Variants in TEX9 observed in about 807,000 individuals in gnomAD.
TEX9 encodes testis-expressed protein 9.
A neutral mutation model predicts 59.6 loss-of-function variants in TEX9; 74 were observed. That is an observed-to-expected ratio of 1.24 (90% CI 1.03 to 1.51). The LOEUF (loss-of-function observed/expected upper bound fraction) is 1.51, where lower values mean the gene tolerates loss of function less well. Ranked by LOEUF, TEX9 falls within the 40% of genes most tolerant of loss-of-function variation. TEX9 has a pLI of 0.00. For missense variants in TEX9, 522 were observed against 447.8 expected, an observed-to-expected ratio of 1.17 and a Z score of -1.49; for synonymous variants, 186 against 152.2, an observed-to-expected ratio of 1.22 and a Z score of -1.64.
chr15:56,334,216 A>T (rs2046215476), intron 1 of TEX9, among the ~76,000 whole-genome samples: 1 of 152,208 alleles, frequency 6.6e-6, no homozygotes, highest in Non-Finnish European at 1.5e-5. Context: ...ATCCCAAGCA[A>T]ATGAACAAAG....
intron 7 of TEX9, among the ~76,000 whole-genome samples, chr15:56,393,174 C>A (rs1242133415): frequency 3.9e-5 from 6 of 152,010 alleles, no homozygotes; most frequent in Non-Finnish European, 5.9e-5. Flanking sequence ...CCTATTTTTT[C>A]TTCCCTCTTT....
At chr15:56,339,439 C>CA (rs1271039226) in intron 1 of TEX9, among the ~76,000 whole-genome samples, 2 of 139,390 alleles carry the variant, frequency 1.4e-5, no homozygotes, top group Non-Finnish European at 3.0e-5. Flanking sequence ...AGCCCCTGGG[C>CA]AAAACCATTC....
At chr15:56,349,971 A>C (rs1360029113) in intron 1 of TEX9, among the ~76,000 whole-genome samples, 1 of 152,136 alleles carries the variant, frequency 6.6e-6, no homozygotes, top group African/African-American at 2.4e-5. Context: ...TTACCTTCTC[A>C]GAGAAGCCCT....
the TEX9 span, among the ~76,000 whole-genome samples, chr15:56,452,534 T>C: frequency 6.6e-6 from 1 of 151,522 alleles, no homozygotes; most frequent in African/African-American, 2.4e-5. Context: ...TTTTTTTTTT[T>C]TTGAGACAGA....
rs58002635 is a variant in TEX9 at position 56,302,361 on chromosome 15, A to ACACG, written c.-107+58084_-107+58085insACGC. 9.8e-4 allele frequency among the ~76,000 whole-genome samples: 146 copies of ACACG among 149,726 alleles called. 1 individual carries two copies. Among genetic ancestry groups the ACACG allele is most frequent in the South Asian group, 2.3e-3 (11 of 4,730 alleles). On this transcript the variant is annotated intron_variant, in intron 1 of 5. Transcript: ENST00000560827. ...CACACACACACACACACACACACAC[A>ACACG]CGAACATAAAATAGCTATGTGTGCT...
At chr15:56,269,497 T>C (rs1413461484) in intron 1 of TEX9, among the ~76,000 whole-genome samples, 1 of 152,200 alleles carries the variant, frequency 6.6e-6, no homozygotes, top group Non-Finnish European at 1.5e-5. Context: ...CTTAAATGTG[T>C]CCCAGAGATT....
intron 9 of TEX9, among the ~76,000 whole-genome samples, chr15:56,401,239 C>G (rs147154733): frequency 7.1e-6 from 1 of 140,608 alleles, no homozygotes; most frequent in Non-Finnish European, 1.5e-5. Context: ...GGAGACCCAT[C>G]TCATGTGCAG....
the TEX9 span, among the ~76,000 whole-genome samples, chr15:56,456,221 A>G: frequency 6.6e-6 from 1 of 152,162 alleles, no homozygotes; most frequent in Non-Finnish European, 1.5e-5. Flanking sequence ...CCATGAATAC[A>G]ACTTCTTTTC....
exon 12 of TEX9, chr15:56,428,415 A>C: frequency 6.2e-7 from 1 of 1,612,340 alleles, no homozygotes; most frequent in Non-Finnish European, 8.5e-7. Flanking sequence ...GGAGGAATTT[A>C]TGAAAGCACT....
intron 1 of TEX9, among the ~76,000 whole-genome samples, chr15:56,273,023 A>C (rs1373113815): frequency 6.6e-6 from 1 of 151,204 alleles, no homozygotes; most frequent in Non-Finnish European, 1.5e-5. Context: ...GTGCTATCTC[A>C]ACTCAGTGCA....
chr15:56,392,687 A>C (rs780983486), intron 7 of TEX9, among the ~76,000 whole-genome samples: 6 of 152,160 alleles, frequency 3.9e-5, no homozygotes, highest in Non-Finnish European at 7.4e-5. Flanking sequence ...TTTCTTCTGC[A>C]CTTACTATAT....
At chr15:56,447,908 T>A (rs1330745664), downstream of TEX9, among the ~76,000 whole-genome samples, 1 of 152,202 alleles carries the variant, frequency 6.6e-6, no homozygotes, top group African/African-American at 2.4e-5. Context: ...ATAGTGCAGG[T>A]ACCATTTTTC....
intron 9 of TEX9, among the ~76,000 whole-genome samples, chr15:56,402,725 A>G (rs1049866065): frequency 2.0e-5 from 3 of 152,228 alleles, no homozygotes; most frequent in Non-Finnish European, 2.9e-5. Context: ...ATTGATGCAA[A>G]AATCCTCAAT....
intron 10 of TEX9, among the ~76,000 whole-genome samples, chr15:56,415,310 C>T (rs962541545): frequency 4.6e-5 from 7 of 151,926 alleles, no homozygotes; most frequent in East Asian, 3.9e-4. Context: ...AATCTTTGCC[C>T]GTTCCTATGT....
chr15:56,374,500 T>C (rs1180264488), intron 3 of TEX9: 1 of 152,166 alleles, frequency 6.6e-6, no homozygotes, highest in Admixed American at 6.6e-5. Flanking sequence ...TCATGGAAAA[T>C]GGGGTATCCA....
intron 9 of TEX9, among the ~76,000 whole-genome samples, chr15:56,399,326 G>A (rs188871660): frequency 6.2e-4 from 94 of 152,344 alleles, no homozygotes; most frequent in Non-Finnish European, 4.7e-4. Flanking sequence ...CTGGCTTGGC[G>A]GGTCACACAC....
intron 1 of TEX9, among the ~76,000 whole-genome samples, chr15:56,318,135 C>T (rs1596085197): frequency 6.6e-6 from 1 of 151,972 alleles, no homozygotes; most frequent in East Asian, 1.9e-4. Context: ...TCAATCTTTG[C>T]TTTATATATT....
intron 1 of TEX9, among the ~76,000 whole-genome samples, chr15:56,285,103 C>G (rs777366091): frequency 3.9e-5 from 6 of 152,016 alleles, no homozygotes; most frequent in African/African-American, 1.2e-4. Context: ...GCTCTTTATG[C>G]CTTTCGTATC....
intron 1 of TEX9, among the ~76,000 whole-genome samples, chr15:56,354,426 G>A (rs1326845975): frequency 9.9e-5 from 15 of 152,124 alleles, no homozygotes; most frequent in Admixed American, 2.0e-4. Flanking sequence ...GTAAAAGCAA[G>A]GTTGATCTCT....
Sources: allele counts gnomAD v4.1 joint callset (sites outside exome capture counted in the v4.1 genomes callset), GRCh38; gene constraint gnomAD v4.1.1; transcripts MANE v1.5; gene names NCBI Gene and HGNC (gene_info 2026-07-23, HGNC 2026-07-21).